Variants in LUZP2 observed in about 807,000 individuals in gnomAD.
LUZP2 encodes leucine zipper protein 2.
A neutral mutation model predicts 51.6 loss-of-function variants in LUZP2; 52 were observed. The ratio of observed to expected loss-of-function variants is 1.01; its 90% confidence interval spans 0.81 to 1.27. The LOEUF (loss-of-function observed/expected upper bound fraction) is 1.27. LUZP2 is among the 50% of genes most tolerant of loss of function. The pLI is 0.00. For missense variants in LUZP2, 436 were observed against 395.4 expected (o/e 1.10, Z -0.87); for synonymous variants, 154 against 137.3 (o/e 1.12, Z -0.85).
chr11:25,001,793 C>G (rs1434474443), intron 9 of LUZP2, among the ~76,000 whole-genome samples: 1 of 151,996 alleles, frequency 6.6e-6, no homozygotes, highest in Non-Finnish European at 1.5e-5. Flanking sequence ...GTCTCTCTAT[C>G]TCTTCCTCTC....
chr11:24,876,413 T>C (rs562968289), intron 5 of LUZP2, among the ~76,000 whole-genome samples: 1 of 149,604 alleles, frequency 6.7e-6, no homozygotes, highest in Non-Finnish European at 1.5e-5. Context: ...GTTGTAGATA[T>C]GCGGCGTTAT....
chr11:24,587,299 G>A (rs949688465), intron 1 of LUZP2, among the ~76,000 whole-genome samples: 1 of 152,104 alleles, frequency 6.6e-6, no homozygotes, highest in East Asian at 1.9e-4. Flanking sequence ...ATTTGGGATT[G>A]TACAAAGGAG....
intron 5 of LUZP2, among the ~76,000 whole-genome samples, chr11:24,888,536 T>C (rs550158553): frequency 6.6e-6 from 1 of 152,152 alleles, no homozygotes; most frequent in Non-Finnish European, 1.5e-5. Flanking sequence ...TCCTCTGACT[T>C]AAATTCAGGT....
rs79202639 is a variant in LUZP2, at chr11:24,861,099, A to G, written c.397-44892A>G. Among the ~76,000 whole-genome samples, 476 of 152,244 alleles carry G rather than the reference A, an allele frequency of 3.1e-3. 2 individuals carry two copies. The highest frequency in any genetic ancestry group is 0.011 in the African/African-American group (461 of 41,556). On this transcript the variant is annotated intron_variant, in intron 5 of 11. Transcript: ENST00000336930. Reference sequence around the variant, plus strand: ...GAACTGCTAACTAGAATAACTAGAGAGGAATGTAAACGACCTGATGAATCT... The same window carrying G: ...GAACTGCTAACTAGAATAACTAGAGGGGAATGTAAACGACCTGATGAATCT...
At chr11:24,527,572 C>CAG in intron 1 of LUZP2, among the ~76,000 whole-genome samples, 1 of 139,146 alleles carries the variant, frequency 7.2e-6, no homozygotes, top group African/African-American at 3.0e-5. Context: ...CTCTCTCACA[C>CAG]ACACACACAC....
At chr11:24,621,082 T>C (rs1854478457) in intron 1 of LUZP2, among the ~76,000 whole-genome samples, 2 of 152,226 alleles carry the variant, frequency 1.3e-5, no homozygotes, top group Admixed American at 6.5e-5. Context: ...AATCTGATAC[T>C]GGTGCTTTGT....
intron 1 of LUZP2, among the ~76,000 whole-genome samples, chr11:24,541,542 A>T (rs1019758225): frequency 1.3e-5 from 2 of 151,972 alleles, no homozygotes; most frequent in African/African-American, 4.8e-5. Flanking sequence ...TTTCAGTCTA[A>T]CCTTTAGATT....
At chr11:24,759,243 T>C (rs192659192) in intron 4 of LUZP2, among the ~76,000 whole-genome samples, 2 of 152,290 alleles carry the variant, frequency 1.3e-5, no homozygotes, top group Admixed American at 1.3e-4. Flanking sequence ...CTTCAAGCTT[T>C]GAATCTCATT....
intron 5 of LUZP2, 109 bp from the exon 6 acceptor site, chr11:24,905,882 A>G (rs1301271680): frequency 7.6e-6 from 5 of 661,938 alleles, no homozygotes; most frequent in African/African-American, 1.8e-5. Context: ...ATTTTACATC[A>G]TGAAGGTCTA....
intron 1 of LUZP2, among the ~76,000 whole-genome samples, chr11:24,656,658 C>G (rs1855816478): frequency 6.6e-6 from 1 of 152,132 alleles, no homozygotes; most frequent in South Asian, 2.1e-4. Flanking sequence ...GAACTATGGT[C>G]CTTGTTTCCT....
At chr11:24,766,878 C>G (rs1374200862) in intron 5 of LUZP2, among the ~76,000 whole-genome samples, 2 of 152,146 alleles carry the variant, frequency 1.3e-5, no homozygotes, top group African/African-American at 4.8e-5. Flanking sequence ...ACCCCTGGCT[C>G]AGCCTCCTGA....
intron 1 of LUZP2, among the ~76,000 whole-genome samples, chr11:24,617,591 T>G (rs35065866): frequency 6.6e-6 from 1 of 151,940 alleles, no homozygotes; most frequent in Non-Finnish European, 1.5e-5. Context: ...GAAGCCAAGG[T>G]GGGCAGATTG....
chr11:24,713,319 A>G (rs1857910622), intron 1 of LUZP2, among the ~76,000 whole-genome samples: 2 of 152,290 alleles, frequency 1.3e-5, no homozygotes, highest in South Asian at 2.1e-4. Flanking sequence ...CTGTGTCATC[A>G]TTTTAATACC....
At chr11:24,560,552 A>G (rs1852008139) in intron 1 of LUZP2, among the ~76,000 whole-genome samples, 1 of 152,168 alleles carries the variant, frequency 6.6e-6, no homozygotes, top group South Asian at 2.1e-4. Flanking sequence ...GACAAGTCAG[A>G]TTCAACTCTA....
intron 4 of LUZP2, among the ~76,000 whole-genome samples, chr11:24,758,406 G>T (rs1004073779): frequency 3.3e-5 from 5 of 151,626 alleles, no homozygotes; most frequent in African/African-American, 1.2e-4. Context: ...TCTGGTTGAT[G>T]GTGGAATCTA....
chr11:24,790,688 G>A (rs1005254350), intron 5 of LUZP2, among the ~76,000 whole-genome samples: 10 of 152,056 alleles, frequency 6.6e-5, no homozygotes, highest in African/African-American at 2.4e-4. Flanking sequence ...TTTTAGTAGA[G>A]TCGGGGTTTC....
chr11:24,932,174 G>A lies in LUZP2; in HGVS notation c.522+17636G>A, dbSNP rs186818480. Among the ~76,000 whole-genome samples the A allele has an allele frequency of 1.7e-3, 255 of 152,284 alleles. 3 individuals carry two copies. The highest frequency in any genetic ancestry group is 5.9e-3 in the African/African-American group (247 of 41,560). ...AATGGAGGTAGCAGTGAAGAGAAGT[G>A]GATTCTGTGAGGGTTCTTGGTTATA... On this transcript the variant is annotated intron_variant, in intron 7 of 11. Coordinates refer to ENST00000336930, the MANE Select transcript of LUZP2 (RefSeq NM_001009909.4).
At chr11:25,065,551 C>T (rs1280568937) in intron 10 of LUZP2, among the ~76,000 whole-genome samples, 1 of 151,962 alleles carries the variant, frequency 6.6e-6, no homozygotes. Context: ...AGAATTTAAA[C>T]ATTGACTAAA....
intron 1 of LUZP2, among the ~76,000 whole-genome samples, chr11:24,529,251 T>C (rs1850918632): frequency 6.6e-6 from 1 of 151,146 alleles, no homozygotes; most frequent in African/African-American, 2.4e-5. Flanking sequence ...TAGTAACAGG[T>C]GCATTGTAGC....
Sources: gnomAD v4.1 joint callset for allele counts (sites outside exome capture counted in the v4.1 genomes callset) on GRCh38, gnomAD v4.1.1 for gene constraint, MANE v1.5 for transcripts, NCBI Gene and HGNC (gene_info 2026-07-23, HGNC 2026-07-21) for gene names.